EIF4E3: variants seen among roughly 807,000 people sequenced by gnomAD.
EIF4E3 encodes eukaryotic translation initiation factor 4E type 3.
A neutral mutation model predicts 31.7 loss-of-function variants in EIF4E3; 26 were observed. The ratio of observed to expected loss-of-function variants is 0.82; its 90% CI spans 0.60 to 1.14. The LOEUF (loss-of-function observed/expected upper bound fraction) is 1.14. Among genes scored for constraint, EIF4E3 ranks in the 50% most tolerant of loss-of-function variants. EIF4E3 has a pLI of 0.00. For synonymous variants in EIF4E3, 128 were observed against 107.7 expected (o/e 1.19, Z -1.17); for missense variants, 304 against 270.9 (o/e 1.12, Z -0.86).
intron 1 of EIF4E3, among the ~76,000 whole-genome samples, chr3:71,745,275 A>G (rs1485610907): frequency 6.6e-6 from 1 of 152,160 alleles, no homozygotes; most frequent in Non-Finnish European, 1.5e-5. Context: ...TGTGTGTGGG[A>G]GGTGTATGTA....
chr3:71,675,281 G>C (rs1039980244), downstream of EIF4E3: 1 of 152,184 alleles, frequency 6.6e-6, no homozygotes, highest in Non-Finnish European at 1.5e-5. Flanking sequence ...GGGCCTACAC[G>C]CTACATCAGT....
At chr3:71,670,477 C>T (rs528915729), downstream of EIF4E3, among the ~76,000 whole-genome samples, 33 of 152,308 alleles carry the variant, frequency 2.2e-4, no homozygotes, top group African/African-American at 7.9e-4. Flanking sequence ...CAACTTTCTT[C>T]CGTGTCTTTA....
chr3:71,754,625 G>C (rs371933600), upstream of EIF4E3: 5 of 1,466,638 alleles, frequency 3.4e-6, no homozygotes, highest in South Asian at 6.3e-5. This position sits in a 1 kb window ranked among gnomAD's most constrained non-coding sequence, Gnocchi z 5.8. Flanking sequence ...TGCTGGCCGT[G>C]GTGGTGGGCG....
chr3:71,705,648 T>A (rs2049281954), intron 2 of EIF4E3, among the ~76,000 whole-genome samples: 1 of 152,172 alleles, frequency 6.6e-6, no homozygotes. Context: ...TGTACAGGAA[T>A]GAGTTTTCAG....
intron 1 of EIF4E3, among the ~76,000 whole-genome samples, chr3:71,723,444 G>A (rs1057121914): frequency 1.3e-5 from 2 of 152,076 alleles, no homozygotes; most frequent in Admixed American, 1.3e-4. Flanking sequence ...TTTGATGATC[G>A]ACCTTTAGAG....
chr3:71,707,787 G>A (rs1169817994), intron 2 of EIF4E3, among the ~76,000 whole-genome samples: 3 of 151,968 alleles, frequency 2.0e-5, no homozygotes, highest in Admixed American at 2.0e-4. Context: ...GGCCCCCACT[G>A]AGAATGTGCA....
At chr3:71,733,794 A>G (rs1027568793) in intron 1 of EIF4E3, among the ~76,000 whole-genome samples, 5 of 152,248 alleles carry the variant, frequency 3.3e-5, no homozygotes, top group African/African-American at 7.2e-5. Context: ...TAAGTACACT[A>G]AAGTTTGAGA....
At chr3:71,708,608 T>TC (rs1283650172) in intron 2 of EIF4E3, among the ~76,000 whole-genome samples, 4 of 151,900 alleles carry the variant, frequency 2.6e-5, no homozygotes, top group Non-Finnish European at 5.9e-5. Context: ...ACCAAGCCAA[T>TC]CCCCTCATCT....
chr3:71,665,915 C>T, the EIF4E3 span, among the ~76,000 whole-genome samples: 1 of 152,164 alleles, frequency 6.6e-6, no homozygotes, highest in Non-Finnish European at 1.5e-5. Context: ...AACAAAGACA[C>T]AATGTACCAG....
intron 2 of EIF4E3, among the ~76,000 whole-genome samples, chr3:71,709,924 C>G (rs61606325): frequency 6.6e-6 from 1 of 151,934 alleles, no homozygotes. Flanking sequence ...GATGGAATTG[C>G]GAAGTGAAGT....
At chr3:71,703,811 CA>C (rs370789059) in intron 2 of EIF4E3, among the ~76,000 whole-genome samples, 1,541 of 72,414 alleles carry the variant, frequency 0.021, 19 homozygotes, top group African/African-American at 0.072. Context: ...AAACACACAT[CA>C]AAAAAAAAAA....
chr3:71,747,293 TATC>T lies in EIF4E3; in HGVS notation c.-291+6167_-291+6169del, dbSNP rs1398078614. ...CCTCCATATCATCACCAACACCTGT[TATC>T]ATCTACATTTTTGATAATAGCCACT... On this transcript the variant is annotated intron_variant, in intron 1 of 7. Coordinates refer to the EIF4E3 transcript ENST00000295612. 6.6e-5 allele frequency among the ~76,000 whole-genome samples: 10 copies of T among 152,206 alleles called. 1 individual carries two copies. The highest frequency in any genetic ancestry group is 2.9e-5 in the Non-Finnish European group (2 of 68,032).
intron 1 of EIF4E3, among the ~76,000 whole-genome samples, chr3:71,732,135 C>T (rs2049712984): frequency 6.6e-6 from 1 of 152,150 alleles, no homozygotes; most frequent in South Asian, 2.1e-4. Context: ...GGAGACCCAG[C>T]TTTACTGAAT....
rs373250561 is a variant in EIF4E3 at position 71,685,805 on chromosome 3, T to TCCC, written c.629-1080_629-1078dup. Among the ~76,000 whole-genome samples, 353 of 152,282 alleles carry TCCC rather than the reference T, an allele frequency of 2.3e-3. 3 individuals carry two copies. Among genetic ancestry groups the TCCC allele is most frequent in the African/African-American group, 8.3e-3 (344 of 41,550 alleles). The stretch of plus-strand genomic sequence containing the variant: ...AAAAGACTGAGTGTGACAATCTACC[T>TCCC]CCCGGATCTGGTTAACCATTACCAG... On this transcript the variant is annotated intron_variant, in intron 6 of 6. Coordinates refer to ENST00000425534, the MANE Select transcript of EIF4E3 (RefSeq NM_001134651.2).
chr3:71,750,864 T>G, intron 1 of EIF4E3, among the ~76,000 whole-genome samples: 1 of 151,430 alleles, frequency 6.6e-6, no homozygotes, highest in Non-Finnish European at 1.5e-5. Flanking sequence ...CCCGGGTTCA[T>G]GCCATTCTCC....
At chr3:71,724,558 G>A (rs1178761681) in intron 1 of EIF4E3, among the ~76,000 whole-genome samples, 2 of 152,188 alleles carry the variant, frequency 1.3e-5, no homozygotes, top group African/African-American at 4.8e-5. Context: ...CCCCCTTCCT[G>A]ACAAGGTCAG....
intron 2 of EIF4E3, among the ~76,000 whole-genome samples, chr3:71,708,702 G>C (rs2049330764): frequency 6.6e-6 from 1 of 152,072 alleles, no homozygotes; most frequent in African/African-American, 2.4e-5. Flanking sequence ...GAGACTCTGA[G>C]AGCCTTTACA....
At chr3:71,695,227 T>C (rs948466421) in intron 4 of EIF4E3, among the ~76,000 whole-genome samples, 5 of 152,184 alleles carry the variant, frequency 3.3e-5, no homozygotes, top group Admixed American at 2.6e-4. Flanking sequence ...GACTTCACCC[T>C]TCTGCTTTGA....
chr3:71,715,565 G>T (rs1033759740), intron 1 of EIF4E3, among the ~76,000 whole-genome samples: 1 of 152,182 alleles, frequency 6.6e-6, no homozygotes, highest in African/African-American at 2.4e-5. Context: ...GATACAGGCA[G>T]AGCTGTGGAA....
Sources: allele counts gnomAD v4.1 joint callset (sites outside exome capture counted in the v4.1 genomes callset), GRCh38; gene constraint gnomAD v4.1.1; non-coding constraint Gnocchi (gnomAD v3.1); transcripts MANE v1.5; gene names NCBI Gene and HGNC (gene_info 2026-07-23, HGNC 2026-07-21).